Variants in NEBL observed in about 807,000 individuals in gnomAD.
NEBL encodes the protein nebulette.
NEBL carries 122 observed loss-of-function variants against 140.2 expected under a neutral mutation model. The ratio of observed to expected loss-of-function variants is 0.87; its 90% CI spans 0.75 to 1.01. The LOEUF (loss-of-function observed/expected upper bound fraction) is 1.01, where lower values mean the gene tolerates loss of function less well. NEBL is among the 50% of genes least tolerant of loss of function. The pLI, the probability that NEBL is intolerant of heterozygous loss-of-function variation, is 0.00. For missense variants in NEBL, 1,365 were observed against 1,231.3 expected, an observed-to-expected ratio of 1.11 and a Z score of -1.62; for synonymous variants, 436 against 398.9, an observed-to-expected ratio of 1.09 and a Z score of -1.11.
At chr10:21,226,607 T>A (rs545998675) in intron 3 of NEBL, among the ~76,000 whole-genome samples, 8 of 152,284 alleles carry the variant, frequency 5.3e-5, no homozygotes, top group African/African-American at 1.9e-4. Context: ...CCCTCCGTGG[T>A]CACTGACTGA....
In NEBL at chr10:20,783,989, A is replaced by G. The variant is rs1361844218; in HGVS notation, c.*1758T>C. 6.6e-6 allele frequency: 1 copy of G among 152,212 alleles called. No homozygotes were observed. The highest frequency in any genetic ancestry group is 2.4e-5 in the African/African-American group (1 of 41,450). 9.4% of individuals were successfully genotyped at this position (152,212 alleles called of 1,614,324 possible). ...AAAGCCTATTTACCCTTTTAGCCTA[A>G]TAAAATGAAATCACAGATTTTCAAA... On this transcript the variant is annotated 3_prime_UTR_variant, in exon 28 of 28. Coordinates refer to ENST00000377122, the MANE Select transcript of NEBL (RefSeq NM_006393.3).
intron 3 of NEBL, among the ~76,000 whole-genome samples, chr10:21,212,453 G>A (rs1363275618): frequency 6.6e-6 from 1 of 152,212 alleles, no homozygotes; most frequent in African/African-American, 2.4e-5. Flanking sequence ...AGAGTGATGG[G>A]AGGAAAGAAG....
intron 2 of NEBL, among the ~76,000 whole-genome samples, chr10:21,040,280 C>A (rs926818088): frequency 6.6e-6 from 1 of 152,032 alleles, no homozygotes; most frequent in Non-Finnish European, 1.5e-5. Flanking sequence ...GCAGGAGAAT[C>A]GCTCGAACCC....
intron 2 of NEBL, among the ~76,000 whole-genome samples, chr10:21,086,554 G>C (rs1836640453): frequency 6.6e-6 from 1 of 152,184 alleles, no homozygotes; most frequent in Non-Finnish European, 1.5e-5. Flanking sequence ...AAGGCAGGAG[G>C]ATCACTTGAG....
Position 21,160,097 on chromosome 10 carries a change from C to T in NEBL, c.164+12286G>A, listed in dbSNP as rs931711577. Among the ~76,000 whole-genome samples, 8 of 152,134 alleles carry T rather than the reference C, an allele frequency of 5.3e-5. No homozygotes were observed. In the South Asian group the frequency reaches 8.3e-4, roughly 16 times the overall value. Reference sequence around the variant, plus strand: ...CTTGGGAAGCTTGCTATCAGATCAGCGACTGCTGTCTCCCATTCAGAGTAA... The same window carrying T: ...CTTGGGAAGCTTGCTATCAGATCAGTGACTGCTGTCTCCCATTCAGAGTAA... On this transcript the variant is annotated intron_variant, in intron 2 of 6. Transcript: ENST00000417816.
At chr10:20,847,264 C>A (rs1005206737) in intron 11 of NEBL, among the ~76,000 whole-genome samples, 1 of 152,092 alleles carries the variant, frequency 6.6e-6, no homozygotes, top group African/African-American at 2.4e-5. Flanking sequence ...ATACTTTCTA[C>A]TGAAAGATTT....
intron 3 of NEBL, among the ~76,000 whole-genome samples, chr10:21,223,181 C>A (rs771816248): frequency 4.5e-4 from 69 of 152,222 alleles, no homozygotes; most frequent in Non-Finnish European, 8.4e-4. Flanking sequence ...ATTAATCAGT[C>A]CCACTTTCCC....
chr10:20,828,497 G>A (rs1463069342), intron 17 of NEBL, 33 bp downstream of exon 17: 1 of 1,396,724 alleles, frequency 7.2e-7, no homozygotes, highest in Non-Finnish European at 1.0e-6. Context: ...AAAATTTCAA[G>A]GTGGCAACTT....
chr10:21,166,029 G>A (rs1414315597), intron 2 of NEBL, among the ~76,000 whole-genome samples: 1 of 151,348 alleles, frequency 6.6e-6, no homozygotes, highest in Non-Finnish European at 1.5e-5. Flanking sequence ...GAACATCCTG[G>A]CTAACATGGT....
At chr10:21,282,906 C>G (rs1187571651) in intron 1 of NEBL, among the ~76,000 whole-genome samples, 1 of 152,260 alleles carries the variant, frequency 6.6e-6, no homozygotes, top group South Asian at 2.1e-4. Flanking sequence ...AGGCAGATCA[C>G]CTGAGGTTAA....
chr10:21,023,469 G>A (rs768096816), intron 2 of NEBL, among the ~76,000 whole-genome samples: 3 of 152,064 alleles, frequency 2.0e-5, no homozygotes, highest in African/African-American at 7.2e-5. Context: ...CGAGGCAGGT[G>A]GATCACTTGA....
chr10:21,107,625 TTC>T (rs1444253192), intron 2 of NEBL, among the ~76,000 whole-genome samples: 1 of 152,246 alleles, frequency 6.6e-6, no homozygotes, highest in African/African-American at 2.4e-5. Flanking sequence ...TGGCCTAAAA[TTC>T]TCTTTTTTTG....
At position 20,869,812 on chromosome 10, in the gene NEBL, G is replaced by T; in HGVS notation, c.510C>A (p.Thr170=). The T allele has an allele frequency of 6.2e-7, 1 of 1,613,018 alleles. No homozygotes were observed. The highest frequency in any genetic ancestry group is 1.7e-4 in the Middle Eastern group (1 of 6,058). The part of the protein sequence containing the change: ...NISYRKDVQD[T]HTYSAELDRP... ...GGTCAAGTTCTGCACTGTACGTGTG[G>T]GTGTCCTGCACGTCTTTCCTATAAG... The change falls in exon 6 of 28, where the codon ACC becomes ACA. Residue 170 remains threonine (T), a synonymous_variant. Transcript: ENST00000377122.
At chr10:21,182,326 A>C (rs1002502100) in intron 3 of NEBL, among the ~76,000 whole-genome samples, 1 of 151,988 alleles carries the variant, frequency 6.6e-6, no homozygotes, top group Admixed American at 6.6e-5. Context: ...AATAATAATA[A>C]CTAACTAGGT....
At chr10:20,982,594 T>C (rs1245071905) in intron 3 of NEBL, among the ~76,000 whole-genome samples, 1 of 152,180 alleles carries the variant, frequency 6.6e-6, no homozygotes, top group East Asian at 1.9e-4. Flanking sequence ...GAAAAGATGT[T>C]TTCTGGATTA....
chr10:21,049,556 C>A (rs538298445), intron 2 of NEBL, among the ~76,000 whole-genome samples: 2 of 152,292 alleles, frequency 1.3e-5, no homozygotes, highest in African/African-American at 4.8e-5. Context: ...TGTTCTCCCA[C>A]CCATCTATTT....
intron 2 of NEBL, chr10:21,029,086 G>C (rs1437914555): frequency 8.5e-7 from 1 of 1,172,252 alleles, no homozygotes; most frequent in Non-Finnish European, 1.3e-6. Flanking sequence ...GACTGGTGGA[G>C]GAAGCACCTA....
rs148237609 is a variant in NEBL, at chr10:20,943,758, G to A, written c.357+17914C>T. Among the ~76,000 whole-genome samples the A allele has an allele frequency of 2.8e-4, 43 of 152,198 alleles. No homozygotes were observed. The East Asian group carries it at 6.8e-3, about 24-fold the overall frequency. The stretch of plus-strand genomic sequence containing the variant: ...TTCCTTACACACGTAAAACTAAGTC[G>A]TTCAAAACTATTCAGTTACTAGGAT... On this transcript the variant is annotated intron_variant, in intron 4 of 6. Coordinates refer to the NEBL transcript ENST00000417816.
At chr10:21,277,865 C>A (rs147998968) in intron 1 of NEBL, among the ~76,000 whole-genome samples, 1 of 152,146 alleles carries the variant, frequency 6.6e-6, no homozygotes, top group African/African-American at 2.4e-5. Context: ...AGGTGTTAGG[C>A]AGGCTGGCCT....
Sources: gnomAD v4.1 joint callset for allele counts (sites outside exome capture counted in the v4.1 genomes callset) on GRCh38, gnomAD v4.1.1 for gene constraint, MANE v1.5 for transcripts, NCBI Gene and HGNC (gene_info 2026-07-23, HGNC 2026-07-21) for gene names.